Variants in SWT1 observed in about 807,000 individuals in gnomAD.
SWT1 encodes the protein SWT1 RNA endoribonuclease homolog, also known as transcriptional protein SWT1.
In SWT1, 33 loss-of-function variants were observed where a neutral mutation model predicts 107.3. The ratio of observed to expected loss-of-function variants is 0.31; its 90% confidence interval spans 0.23 to 0.41. The LOEUF (loss-of-function observed/expected upper bound fraction) is 0.41. SWT1 is among the 10% of genes least tolerant of loss of function. SWT1 has a pLI of 1.00. For missense variants in SWT1, 898 were observed against 1,028.9 expected (o/e 0.87, Z 1.74); for synonymous variants, 345 against 348.3 (o/e 0.99, Z 0.11).
At position 185,174,714 on chromosome 1, in the gene SWT1, A is replaced by G; in HGVS notation, c.567A>G (p.Gly189=). ...AGAAGATGAAAGAACTCAAGAAAGG[A>G]AGAAACAGTAAATTTAGAGACAATT... The part of the protein sequence containing the change: ...QREKMKELKK[G]RNSKFRDNSE... Residue 189 remains glycine, a synonymous_variant, in exon 5 of 19, where the codon GGA becomes GGG. Coordinates refer to ENST00000367500, the MANE Select transcript of SWT1 (RefSeq NM_017673.7). The G allele has an allele frequency of 6.2e-7, 1 of 1,613,016 alleles. No homozygotes were observed. Among genetic ancestry groups the G allele is most frequent in the Non-Finnish European group, 8.5e-7 (1 of 1,179,788 alleles).
chr1:185,169,192 AAGT>A (rs2102322164), intron 4 of SWT1, among the ~76,000 whole-genome samples: 2 of 151,830 alleles, frequency 1.3e-5, no homozygotes, highest in Admixed American at 1.3e-4. Context: ...TTCTCTGTTG[AAGT>A]ATATTCTTGC....
intron 2 of SWT1, among the ~76,000 whole-genome samples, chr1:185,165,790 A>G (rs1029378804): frequency 7.9e-5 from 12 of 152,224 alleles, no homozygotes; most frequent in African/African-American, 1.4e-4. Context: ...TGTCCCAACA[A>G]GCCAGGCATG....
intron 16 of SWT1, among the ~76,000 whole-genome samples, chr1:185,257,033 C>T (rs1368849687): frequency 2.6e-5 from 4 of 151,938 alleles, no homozygotes; most frequent in African/African-American, 9.7e-5. Context: ...TGTTGGAATA[C>T]CCTGCCGTGT....
intron 14 of SWT1, among the ~76,000 whole-genome samples, chr1:185,215,197 C>G (rs1659122421): frequency 6.6e-6 from 1 of 152,068 alleles, no homozygotes; most frequent in Non-Finnish European, 1.5e-5. Context: ...GTCACATTTG[C>G]TTTATTGTTT....
At chr1:185,166,397 C>T (rs142885862) in intron 2 of SWT1, among the ~76,000 whole-genome samples, 175 bp from the exon 3 acceptor site, 168 of 152,326 alleles carry the variant, frequency 1.1e-3, no homozygotes, top group Non-Finnish European at 2.2e-3. Flanking sequence ...GTTCTGGCTT[C>T]TAGTTGAATC....
intron 7 of SWT1, among the ~76,000 whole-genome samples, chr1:185,183,234 A>G (rs1296485658): frequency 2.6e-5 from 4 of 151,538 alleles, no homozygotes; most frequent in Non-Finnish European, 4.4e-5. Context: ...AAATGGTCCT[A>G]TGCAATAACA....
chr1:185,218,840 G>A (rs1446036920), intron 14 of SWT1, among the ~76,000 whole-genome samples: 1 of 152,048 alleles, frequency 6.6e-6, no homozygotes, highest in African/African-American at 2.4e-5. Context: ...TCTCTCTTTT[G>A]TAAAATGAGT....
chr1:185,272,201 G>A (rs1182488115), intron 17 of SWT1, among the ~76,000 whole-genome samples: 1 of 152,156 alleles, frequency 6.6e-6, no homozygotes, highest in African/African-American at 2.4e-5. Flanking sequence ...ATAAACCCTG[G>A]AGGTAGAACT....
chr1:185,277,072 T>C (rs2102755010), intron 18 of SWT1, among the ~76,000 whole-genome samples: 1 of 152,312 alleles, frequency 6.6e-6, no homozygotes, highest in East Asian at 1.9e-4. Flanking sequence ...ATGAAAATGT[T>C]AAAAGTGACA....
At chr1:185,233,812 CA>C (rs1197611777) in intron 16 of SWT1, among the ~76,000 whole-genome samples, 4 of 152,102 alleles carry the variant, frequency 2.6e-5, no homozygotes, top group African/African-American at 9.7e-5. Context: ...AGCGCAATCT[CA>C]GCTCACTGCA....
chr1:185,184,666 T>C lies in SWT1; in HGVS notation c.1241-77T>C, dbSNP rs373391869. The C allele has an allele frequency of 9.9e-6, 11 of 1,111,620 alleles. No homozygotes were observed. The East Asian group carries it at 2.3e-4, about 24-fold the overall frequency. The allele number at this position is 1,111,620 out of a possible 1,614,324, so 68.9% of individuals were successfully genotyped here. On this transcript the variant is annotated intron_variant, in intron 8 of 18. Coordinates refer to ENST00000367500, the MANE Select transcript of SWT1 (RefSeq NM_017673.7). ...GTAGGGACTGTGTGCTTTAAAACTT[T>C]TACCTCTTGGACAGCAATTCCATTT...
At chr1:185,227,483 T>C in intron 15 of SWT1, 1 of 569,962 alleles carries the variant, frequency 1.8e-6, no homozygotes, top group South Asian at 1.6e-5. Context: ...CAGACTATCA[T>C]ATCCCTCTCT....
At chr1:185,281,790 G>A (rs1046912059) in intron 18 of SWT1, 1 of 153,662 alleles carries the variant, frequency 6.5e-6, no homozygotes, top group African/African-American at 2.4e-5. Flanking sequence ...CATAAACAGT[G>A]ATGAAAGAAG....
intron 10 of SWT1, among the ~76,000 whole-genome samples, chr1:185,201,863 A>T (rs536325722): frequency 1.3e-5 from 2 of 152,078 alleles, no homozygotes; most frequent in East Asian, 3.9e-4. Flanking sequence ...CTCGCTATGC[A>T]TTTTCTGTGT....
At position 185,222,008 on chromosome 1, in the gene SWT1, A is replaced by G; in HGVS notation, c.2281A>G (p.Ser761Gly). The change falls in exon 15 of 19, where the codon AGT (serine) becomes GGT (glycine). Residue 761 changes from serine to glycine, a missense_variant. Coordinates refer to ENST00000367500, the MANE Select transcript of SWT1 (RefSeq NM_017673.7). ...RHQEIWSILESVWITIYQNST... is the reference protein window; with the variant it reads ...RHQEIWSILEGVWITIYQNST... ...TCAAGAAATCTGGTCTATCCTAGAG[A>G]GTGTTTGGATTACAATATATCAGAA... 1 of 1,581,540 alleles carries G rather than the reference A, an allele frequency of 6.3e-7. No homozygotes were observed. The highest frequency in any genetic ancestry group is 8.6e-7 in the Non-Finnish European group (1 of 1,168,094).
At chr1:185,278,759 A>G (rs1262388536) in intron 18 of SWT1, among the ~76,000 whole-genome samples, 2 of 152,224 alleles carry the variant, frequency 1.3e-5, no homozygotes, top group Non-Finnish European at 2.9e-5. Context: ...GATTAGGAGC[A>G]TAACACTTAA....
intron 9 of SWT1, among the ~76,000 whole-genome samples, chr1:185,189,222 T>C (rs1558025559): frequency 6.6e-6 from 1 of 152,006 alleles, no homozygotes; most frequent in Non-Finnish European, 1.5e-5. Context: ...ATCCTGACTT[T>C]AAGCAATCCC....
At chr1:185,251,829 A>C (rs1662051104) in intron 16 of SWT1, among the ~76,000 whole-genome samples, 1 of 151,734 alleles carries the variant, frequency 6.6e-6, no homozygotes, top group South Asian at 2.1e-4. Context: ...ATTTTAGGGT[A>C]CATGTGCACA....
chr1:185,199,254 G>A (rs1657669239), intron 10 of SWT1, among the ~76,000 whole-genome samples: 2 of 152,194 alleles, frequency 1.3e-5, no homozygotes, highest in South Asian at 4.2e-4. Flanking sequence ...TTACATTTAA[G>A]GTTAATATTG....
Sources: allele counts gnomAD v4.1 joint callset (sites outside exome capture counted in the v4.1 genomes callset), GRCh38; gene constraint gnomAD v4.1.1; transcripts MANE v1.5; gene names NCBI Gene and HGNC (gene_info 2026-07-23, HGNC 2026-07-21).